EDIL3: variants seen among roughly 807,000 people sequenced by gnomAD.
The protein encoded by EDIL3 is EGF like and discoidin domains 3, also known as EGF-like repeat and discoidin I-like domain-containing protein 3.
EDIL3 carries 37 observed loss-of-function variants against 67.4 expected under a neutral mutation model. The ratio of observed to expected loss-of-function variants is 0.55; its 90% CI spans 0.42 to 0.72. The LOEUF (loss-of-function observed/expected upper bound fraction) is 0.72. Among genes scored for constraint, EDIL3 ranks in the 30% least tolerant of loss-of-function variants. The pLI is 0.00. For missense variants in EDIL3, 527 were observed against 586.3 expected (o/e 0.90, Z 1.04); for synonymous variants, 195 against 196.3 (o/e 0.99, Z 0.05).
intron 2 of EDIL3, among the ~76,000 whole-genome samples, chr5:84,244,153 A>G (rs1561233008): frequency 1.3e-5 from 2 of 152,198 alleles, no homozygotes; most frequent in Non-Finnish European, 2.9e-5. Flanking sequence ...TATTGTAGTA[A>G]TTCCTCATAT....
intron 1 of EDIL3, among the ~76,000 whole-genome samples, chr5:84,373,534 T>C (rs1177003068): frequency 6.6e-6 from 1 of 152,218 alleles, no homozygotes; most frequent in Non-Finnish European, 1.5e-5. Context: ...TTGATAGTAC[T>C]CATTTTCTTA....
intron 5 of EDIL3, among the ~76,000 whole-genome samples, chr5:84,124,687 AC>A (rs1031712964): frequency 2.8e-5 from 4 of 140,438 alleles, no homozygotes; most frequent in African/African-American, 1.0e-4. Flanking sequence ...TACCCAAGGA[AC>A]AAAAAAAAAT....
chr5:83,967,101 G>C (rs189851593), intron 9 of EDIL3, among the ~76,000 whole-genome samples: 1 of 152,128 alleles, frequency 6.6e-6, no homozygotes, highest in African/African-American at 2.4e-5. Context: ...GAGGCAGATG[G>C]TTTGAGCTTA....
Position 84,137,327 on chromosome 5 carries a change from C to A in EDIL3, c.383G>T (p.Cys128Phe). ...HNINECEVEP[C>F]KNGGICTDLV... Reference sequence around the variant, plus strand: ...ATCTGTACATATTCCACCATTTTTGCAAGGCTCAACTTCGCATTCATTTAT... The same window carrying A: ...ATCTGTACATATTCCACCATTTTTGAAAGGCTCAACTTCGCATTCATTTAT... Residue 128 changes from cysteine (C) to phenylalanine (F), a missense_variant, in exon 5 of 11, where the codon TGC becomes TTC. This residue lies in a region of EDIL3 where 494 missense variants were observed against 522.5 expected (regional missense o/e 0.95). Transcript: ENST00000296591. 6.2e-7 allele frequency: 1 copy of A among 1,612,972 alleles called. No individual in the cohort carries two copies. Among genetic ancestry groups the A allele is most frequent in the Non-Finnish European group, 8.5e-7 (1 of 1,179,644 alleles).
rs1580297363 is a variant in EDIL3 at position 84,046,304 on chromosome 5, A to G, written c.1137+13996T>C. On this transcript the variant is annotated intron_variant, in intron 9 of 10. Transcript: ENST00000296591. ...TGGACCCACCAGGAGCTCTTATTCAAGACAAGATAAGTGACCAGAGCTATG... is the reference window on the plus strand; with the variant it reads ...TGGACCCACCAGGAGCTCTTATTCAGGACAAGATAAGTGACCAGAGCTATG... Among the ~76,000 whole-genome samples, 7 of 152,334 alleles carry G rather than the reference A, an allele frequency of 4.6e-5. 1 individual carries two copies. In the South Asian group the frequency reaches 1.4e-3, roughly 32 times the overall value.
chr5:84,375,135 C>A (rs1302883227), intron 1 of EDIL3, among the ~76,000 whole-genome samples: 1 of 151,968 alleles, frequency 6.6e-6, no homozygotes, highest in African/African-American at 2.4e-5. Flanking sequence ...CCACGCCCAG[C>A]TATTTTTTGT....
At chr5:84,241,688 A>G (rs991532714) in intron 2 of EDIL3, among the ~76,000 whole-genome samples, 2 of 149,318 alleles carry the variant, frequency 1.3e-5, no homozygotes, top group Non-Finnish European at 3.0e-5. Context: ...ACCAACAGGA[A>G]AAAAAAAAAA....
At chr5:84,001,121 A>G (rs1234658008) in intron 9 of EDIL3, among the ~76,000 whole-genome samples, 1 of 152,118 alleles carries the variant, frequency 6.6e-6, no homozygotes, top group African/African-American at 2.4e-5. Context: ...ATCTCAGCTC[A>G]CTGCAACCTC....
chr5:84,171,281 A>G (rs1436629649), intron 4 of EDIL3, among the ~76,000 whole-genome samples: 2 of 152,192 alleles, frequency 1.3e-5, no homozygotes, highest in Non-Finnish European at 2.9e-5. Flanking sequence ...ATTTTCAACT[A>G]TTTTGGACTT....
intron 2 of EDIL3, among the ~76,000 whole-genome samples, chr5:84,230,885 G>T (rs1744564439): frequency 1.3e-5 from 2 of 151,898 alleles, no homozygotes; most frequent in African/African-American, 4.8e-5. Context: ...GCATTTTAAA[G>T]AGTGACCCCA....
At chr5:83,947,676 A>G (rs1055851683) in intron 10 of EDIL3, among the ~76,000 whole-genome samples, 4 of 151,798 alleles carry the variant, frequency 2.6e-5, no homozygotes, top group African/African-American at 9.7e-5. Flanking sequence ...CCTCAATACA[A>G]TAGGACAGGT....
At chr5:84,083,939 A>T (rs1561426180) in intron 6 of EDIL3, among the ~76,000 whole-genome samples, 1 of 152,208 alleles carries the variant, frequency 6.6e-6, no homozygotes, top group Non-Finnish European at 1.5e-5. Context: ...CTAAAAAATA[A>T]ATTGGATGAT....
chr5:84,233,331 A>G (rs953331349), intron 2 of EDIL3, among the ~76,000 whole-genome samples: 67 of 152,302 alleles, frequency 4.4e-4, no homozygotes, highest in African/African-American at 1.6e-3. Context: ...ATTTTTTATA[A>G]GTTCTGTAGA....
chr5:84,151,812 G>A (rs780251256), intron 4 of EDIL3, among the ~76,000 whole-genome samples: 1 of 151,756 alleles, frequency 6.6e-6, no homozygotes, highest in Non-Finnish European at 1.5e-5. Flanking sequence ...ACATTGATGT[G>A]TATGTTTTCT....
intron 1 of EDIL3, among the ~76,000 whole-genome samples, chr5:84,362,732 A>G (rs958984650): frequency 1.3e-5 from 2 of 152,166 alleles, no homozygotes; most frequent in Admixed American, 1.3e-4. Flanking sequence ...TTCTCAATTA[A>G]AGTTAAATCA....
At chr5:83,983,032 C>G (rs761004270) in intron 9 of EDIL3, among the ~76,000 whole-genome samples, 21 of 152,146 alleles carry the variant, frequency 1.4e-4, no homozygotes, top group Non-Finnish European at 2.2e-4. Flanking sequence ...GGGTCTCCCC[C>G]AGTGGAGGTA....
In EDIL3 at chr5:84,148,165, G is replaced by A. The variant is rs1242286861; in HGVS notation, c.356-10811C>T. 3.3e-5 allele frequency among the ~76,000 whole-genome samples: 5 copies of A among 152,110 alleles called. 1 individual carries two copies. Among genetic ancestry groups the A allele is most frequent in the Non-Finnish European group, 5.9e-5 (4 of 68,012 alleles). ...TATAACTGTCCTTATTATTATATGA[G>A]TTAAACCATATTCATATTGTTTGAT... On this transcript the variant is annotated intron_variant, in intron 4 of 10. Coordinates refer to ENST00000296591, the MANE Select transcript of EDIL3 (RefSeq NM_005711.5).
chr5:83,948,182 T>G (rs2112114012), intron 10 of EDIL3, among the ~76,000 whole-genome samples: 1 of 151,860 alleles, frequency 6.6e-6, no homozygotes, highest in African/African-American at 2.4e-5. Flanking sequence ...TCAGTGAGGG[T>G]TTTCCAATTT....
At chr5:84,205,673 C>A (rs575263272) in intron 3 of EDIL3, among the ~76,000 whole-genome samples, 4 of 152,098 alleles carry the variant, frequency 2.6e-5, no homozygotes, top group Non-Finnish European at 5.9e-5. Context: ...TTATCCATTT[C>A]TTCTAGATTT....
Sources: gnomAD v4.1 joint callset for allele counts (sites outside exome capture counted in the v4.1 genomes callset) on GRCh38, gnomAD v4.1.1 for gene constraint, gnomAD v4.1.1 regional missense constraint, MANE v1.5 for transcripts, NCBI Gene and HGNC (gene_info 2026-07-23, HGNC 2026-07-21) for gene names.